The following CELF2 variants were observed in gnomAD, a reference collection of about 807,000 sequenced individuals.
The protein encoded by CELF2 is CUG triplet repeat RNA-binding protein 2.
CELF2 carries 8 observed loss-of-function variants against 62.6 expected under a neutral mutation model. That is an observed-to-expected ratio of 0.13 (90% confidence interval 0.07 to 0.23). CELF2 has a LOEUF of 0.23. Among genes scored for constraint, CELF2 ranks in the 10% least tolerant of loss-of-function variants. CELF2 has a pLI of 1.00. For missense variants in CELF2, 333 were observed against 671.0 expected (o/e 0.50, Z 5.56); for synonymous variants, 258 against 250.0 (o/e 1.03, Z -0.30).
At chr10:11,322,767 T>G (rs150715468) in intron 11 of CELF2, among the ~76,000 whole-genome samples, 63 of 152,340 alleles carry the variant, frequency 4.1e-4, no homozygotes, top group Middle Eastern at 3.4e-3. Flanking sequence ...TCTTTGACTA[T>G]TATGGTAGGC....
chr10:10,616,694 G>A, the CELF2 span, among the ~76,000 whole-genome samples: 1 of 48,712 alleles, frequency 2.1e-5, no homozygotes, highest in Non-Finnish European at 6.2e-5. Context: ...GTGTGTGCGT[G>A]TGTGTGTGTG....
chr10:10,817,509 C>T (rs1463559968), intron 1 of CELF2, among the ~76,000 whole-genome samples: 6 of 152,144 alleles, frequency 3.9e-5, no homozygotes. Context: ...CATCCTTCTA[C>T]TCTCTATGTC....
upstream of CELF2, among the ~76,000 whole-genome samples, chr10:10,797,262 G>T (rs893620775): frequency 4.6e-5 from 7 of 152,084 alleles, no homozygotes; most frequent in African/African-American, 1.7e-4. Flanking sequence ...CAAGTAACAA[G>T]GACATGACAA....
chr10:11,226,121 C>T (rs1297692819), intron 3 of CELF2, among the ~76,000 whole-genome samples: 4 of 152,156 alleles, frequency 2.6e-5, no homozygotes, highest in Non-Finnish European at 5.9e-5. Flanking sequence ...GAACAGTCAC[C>T]GTGAAGGAAG....
At chr10:10,937,221 T>G (rs555539107) in intron 2 of CELF2, among the ~76,000 whole-genome samples, 1 of 137,178 alleles carries the variant, frequency 7.3e-6, no homozygotes, top group East Asian at 2.5e-4. Context: ...AACCTCCGCC[T>G]CCCAGGTTCA....
chr10:11,184,086 A>G (rs1484834715), intron 2 of CELF2, among the ~76,000 whole-genome samples: 1 of 152,186 alleles, frequency 6.6e-6, no homozygotes, highest in African/African-American at 2.4e-5. Context: ...TAATTTTTAT[A>G]TTCAGCATGA....
chr10:11,086,572 A>G (rs2046790944), intron 1 of CELF2, among the ~76,000 whole-genome samples: 1 of 103,610 alleles, frequency 9.7e-6, no homozygotes, highest in Non-Finnish European at 1.8e-5. Context: ...CTCCATTTGC[A>G]TTTGTTAAAA....
At chr10:11,271,564 T>C (rs1445758206) in intron 7 of CELF2, among the ~76,000 whole-genome samples, 3 of 152,186 alleles carry the variant, frequency 2.0e-5, no homozygotes, top group Non-Finnish European at 2.9e-5. Flanking sequence ...CAGCCAGTAC[T>C]CCAGAGATTT....
chr10:11,047,564 C>T (rs969347410), intron 1 of CELF2, among the ~76,000 whole-genome samples: 6 of 152,122 alleles, frequency 3.9e-5, no homozygotes, highest in East Asian at 1.9e-4. Context: ...AAAATCCCTA[C>T]GTTATAGCAT....
intron 2 of CELF2, among the ~76,000 whole-genome samples, chr10:11,210,380 G>C (rs566259518): frequency 6.6e-6 from 1 of 152,272 alleles, no homozygotes; most frequent in African/African-American, 2.4e-5. Flanking sequence ...CACTTAGGGA[G>C]GGAAACAGCT....
chr10:10,773,258 G>T, the CELF2 span, among the ~76,000 whole-genome samples: 1 of 152,252 alleles, frequency 6.6e-6, no homozygotes, highest in Non-Finnish European at 1.5e-5. Flanking sequence ...ATGTGCCCGA[G>T]CATGACTGTC....
the CELF2 span, among the ~76,000 whole-genome samples, chr10:10,793,330 A>T: frequency 6.6e-6 from 1 of 152,238 alleles, no homozygotes; most frequent in African/African-American, 2.4e-5. Flanking sequence ...CATCTTTGAA[A>T]GTTTGTCTCT....
chr10:10,485,607 G>T, the CELF2 span, among the ~76,000 whole-genome samples: 3 of 152,186 alleles, frequency 2.0e-5, no homozygotes, highest in African/African-American at 7.2e-5. Context: ...TCTATTTGTG[G>T]CACTAGCAGC....
intron 1 of CELF2, among the ~76,000 whole-genome samples, chr10:10,813,020 G>A (rs981396712): frequency 2.6e-5 from 4 of 152,158 alleles, no homozygotes; most frequent in Admixed American, 6.5e-5. Flanking sequence ...ATCGGATCCC[G>A]AATCCCACCT....
intron 3 of CELF2, among the ~76,000 whole-genome samples, chr10:11,232,869 C>T (rs2069333904): frequency 2.0e-5 from 3 of 152,130 alleles, no homozygotes; most frequent in African/African-American, 7.2e-5. Flanking sequence ...GCCAGGTTCC[C>T]AATTCCCAGA....
At chr10:10,943,081 C>A (rs2047225817) in intron 2 of CELF2, among the ~76,000 whole-genome samples, 1 of 152,180 alleles carries the variant, frequency 6.6e-6, no homozygotes, top group Non-Finnish European at 1.5e-5. Flanking sequence ...GCCTGTTAAC[C>A]AACTCCTCTT....
intron 1 of CELF2, among the ~76,000 whole-genome samples, chr10:11,055,056 T>G (rs1594187654): frequency 6.6e-6 from 1 of 152,226 alleles, no homozygotes; most frequent in African/African-American, 2.4e-5. Flanking sequence ...CTGTTGTAGA[T>G]TTTGAAAATT....
At chr10:10,511,819 A>G in the CELF2 span, among the ~76,000 whole-genome samples, 4 of 152,248 alleles carry the variant, frequency 2.6e-5, no homozygotes, top group Non-Finnish European at 5.9e-5. Flanking sequence ...CCAGCAGCCC[A>G]GTAAGAACCA....
chr10:11,293,985 A>G (rs12247640), intron 9 of CELF2, among the ~76,000 whole-genome samples: 13,883 of 152,158 alleles, frequency 0.091, 721 homozygotes, highest in African/African-American at 0.14. Context: ...GGATCCCTCA[A>G]GAACCAAACC....
Sources: gnomAD v4.1 joint callset for allele counts (sites outside exome capture counted in the v4.1 genomes callset) on GRCh38, gnomAD v4.1.1 for gene constraint, MANE v1.5 for transcripts, NCBI Gene and HGNC (gene_info 2026-07-23, HGNC 2026-07-21) for gene names.